The following PRRG2 variants were observed in gnomAD, a reference collection of about 807,000 sequenced individuals.
The protein encoded by PRRG2 is transmembrane gamma-carboxyglutamic acid protein 2.
PRRG2 carries 23 observed loss-of-function variants against 27.1 expected under a neutral mutation model. The ratio of observed to expected loss-of-function variants is 0.85; its 90% confidence interval spans 0.61 to 1.20. The LOEUF is 1.20. Among genes scored for constraint, PRRG2 ranks in the 50% most tolerant of loss-of-function variants. PRRG2 has a pLI of 0.00. For synonymous variants in PRRG2, 104 were observed against 103.4 expected (o/e 1.01, Z -0.03); for missense variants, 276 against 254.8 (o/e 1.08, Z -0.57).
At chr19:49,587,021 G>C (rs1441405867) in intron 4 of PRRG2, among the ~76,000 whole-genome samples, 2 of 152,006 alleles carry the variant, frequency 1.3e-5, no homozygotes, top group Non-Finnish European at 2.9e-5. Context: ...GCCAGGCATG[G>C]TGGCACACAC....
intron 4 of PRRG2, among the ~76,000 whole-genome samples, chr19:49,586,072 C>CAAAAAAAAAAAAAAA (rs1171500009): frequency 1.8e-5 from 1 of 56,918 alleles, no homozygotes; most frequent in Admixed American, 2.2e-4. Context: ...AGAGTGTCTC[C>CAAAAAAAAAAAAAAA]AAAAAAAAAA....
intron 5 of PRRG2, among the ~76,000 whole-genome samples, chr19:49,589,367 C>T (rs1025539201): frequency 6.6e-6 from 1 of 151,112 alleles, no homozygotes; most frequent in Non-Finnish European, 1.5e-5. Flanking sequence ...CTCAGGTGAT[C>T]TGCCCGCCTT....
intron 4 of PRRG2, 30 bp downstream of exon 4, chr19:49,583,982 T>A (rs1180338143): frequency 1.2e-6 from 2 of 1,603,756 alleles, no homozygotes; most frequent in South Asian, 2.2e-5. Flanking sequence ...CATCTTGTTC[T>A]GTGCAGCTAA....
chr19:49,586,379 G>A (rs2122244571), intron 4 of PRRG2, among the ~76,000 whole-genome samples: 1 of 123,744 alleles, frequency 8.1e-6, no homozygotes, highest in South Asian at 2.7e-4. Context: ...GAGCCACCAA[G>A]CCCGGCCATT....
chr19:49,590,130 G>A, intron 6 of PRRG2, 78 bp downstream of exon 6: 1 of 1,417,406 alleles, frequency 7.1e-7, no homozygotes, highest in Non-Finnish European at 9.3e-7. Context: ...GCTCAGGGGC[G>A]GGACTTGGAA....
In PRRG2 at chr19:49,583,913, G is replaced by A; in HGVS notation, c.262G>A (p.Glu88Lys). The A allele has an allele frequency of 2.5e-6, 4 of 1,613,902 alleles. No homozygotes were observed. The highest frequency in any genetic ancestry group is 2.2e-5 in the East Asian group (1 of 44,872). Residue 88 changes from glutamate (E) to lysine (K), a missense_variant and splice_region_variant, in exon 4 of 7, where the codon GAG becomes AAG. Glu to Lys is a moderately conservative substitution (Grantham distance 56). Coordinates refer to ENST00000246794, the MANE Select transcript of PRRG2 (RefSeq NM_000951.3). ...TCTTTTCCACTCCTTCCCCCTCAAG[G>A]AGCGCTTTTGGGAGAGCTACATCTA... ...REYFEDNTLT[E>K]RFWESYIYNG...
In PRRG2 at chr19:49,590,776, A is replaced by C; in HGVS notation, c.*387A>C. 1 of 285,848 alleles carries C rather than the reference A, an allele frequency of 3.5e-6. No individual in the cohort carries two copies. Among genetic ancestry groups the C allele is most frequent in the Non-Finnish European group, 6.8e-6 (1 of 147,728 alleles). The allele number at this position is 285,848 out of a possible 1,614,324, so 17.7% of individuals were successfully genotyped here. On this transcript the variant is annotated 3_prime_UTR_variant, in exon 7 of 7. Coordinates refer to ENST00000246794, the MANE Select transcript of PRRG2 (RefSeq NM_000951.3). ...AGTGCCACAGGGTACGCACACGCAG[A>C]GCCCCGCCTGTGCACACGCGTGTCT...
chr19:49,590,783 C>G lies in PRRG2; in HGVS notation c.*394C>G. 1 of 285,990 alleles carries G rather than the reference C, an allele frequency of 3.5e-6. No homozygotes were observed. The allele number at this position is 285,990 out of a possible 1,614,324, so 17.7% of individuals were successfully genotyped here. The stretch of plus-strand genomic sequence containing the variant: ...CAGGGTACGCACACGCAGAGCCCCG[C>G]CTGTGCACACGCGTGTCTTCGTGCA... On this transcript the variant is annotated 3_prime_UTR_variant, in exon 7 of 7. Coordinates refer to ENST00000246794, the MANE Select transcript of PRRG2 (RefSeq NM_000951.3).
At chr19:49,584,500 G>A (rs1221598137) in intron 4 of PRRG2, among the ~76,000 whole-genome samples, 3 of 152,174 alleles carry the variant, frequency 2.0e-5, no homozygotes, top group East Asian at 3.9e-4. Context: ...ACAGGGTCTC[G>A]CTGTGTCACC....
At chr19:49,583,861 C>T in intron 3 of PRRG2, 52 bp from the exon 4 acceptor site, 1 of 1,607,964 alleles carries the variant, frequency 6.2e-7, no homozygotes, top group Non-Finnish European at 8.5e-7. Context: ...GTGTGAACCT[C>T]CCAGCTGAAT....
At chr19:49,590,283 AC>A in intron 6 of PRRG2, 87 bp from the exon 7 acceptor site, 2 of 1,591,396 alleles carry the variant, frequency 1.3e-6, no homozygotes, top group Non-Finnish European at 1.7e-6. Context: ...ATTGGCTGAG[AC>A]GCCAAGGGCG....
intron 4 of PRRG2, among the ~76,000 whole-genome samples, chr19:49,587,464 C>A (rs1021986064): frequency 2.0e-5 from 3 of 150,024 alleles, no homozygotes; most frequent in African/African-American, 7.4e-5. Flanking sequence ...AGGCAAGAAC[C>A]ACCAAGCCTG....
At chr19:49,586,807 C>T (rs1037366764) in intron 4 of PRRG2, among the ~76,000 whole-genome samples, 7 of 152,036 alleles carry the variant, frequency 4.6e-5, no homozygotes, top group Non-Finnish European at 5.9e-5. Flanking sequence ...GCCGAGATTG[C>T]GCCACTGCAC....
intron 4 of PRRG2, among the ~76,000 whole-genome samples, chr19:49,587,641 G>A (rs961459447): frequency 2.3e-4 from 35 of 150,762 alleles, no homozygotes; most frequent in African/African-American, 7.1e-4. Flanking sequence ...ATGCGCCACC[G>A]TGCCTGGATA....
rs764453312 is a variant in PRRG2 at position 49,583,574 on chromosome 19, T to C, written c.118T>C (p.Phe40Leu). The C allele has an allele frequency of 3.7e-6, 6 of 1,614,170 alleles. No homozygotes were observed. The South Asian group carries it at 5.5e-5, about 15-fold the overall frequency. The part of the protein sequence containing the change: ...VFLGPPEAQS[F>L]LSSHTRIPRA... ...CCTGGGTCCCCCAGAGGCCCAGAGC[T>C]TCCTGAGTAGCCATACCCGGATTCC... The change falls in exon 3 of 7, where the codon TTC becomes CTC. Residue 40 changes from phenylalanine (F) to leucine (L), a missense_variant. Phe to Leu is a conservative substitution (Grantham distance 22). Transcript: ENST00000246794.
rs764103609 is a variant in PRRG2 at position 49,588,649 on chromosome 19, G to C, written c.437+17G>C. ...TCCCCAAGAGTAAGGGGGCTTCAGCGAGGAGGGGGTGGTGGTGGAGAGCAG... is the reference window on the plus strand; with the variant it reads ...TCCCCAAGAGTAAGGGGGCTTCAGCCAGGAGGGGGTGGTGGTGGAGAGCAG... On this transcript the variant is annotated intron_variant, in intron 5 of 6. Transcript: ENST00000246794. 2.0e-6 allele frequency: 3 copies of C among 1,520,212 alleles called. No homozygotes were observed. The highest frequency in any genetic ancestry group is 2.6e-6 in the Non-Finnish European group (3 of 1,140,228). The allele number at this position is 1,520,212 out of a possible 1,614,324, so 94.2% of individuals were successfully genotyped here.
At chr19:49,589,876 T>C (rs2080701843) in intron 5 of PRRG2, 24 bp from the exon 6 acceptor site, 1 of 1,612,934 alleles carries the variant, frequency 6.2e-7, no homozygotes, top group African/African-American at 1.3e-5. Context: ...TTGCCTCTGC[T>C]AACTGTACCT....
intron 1 of PRRG2, among the ~76,000 whole-genome samples, chr19:49,582,875 AAAG>A (rs1010081109): frequency 3.9e-5 from 6 of 151,972 alleles, no homozygotes; most frequent in Admixed American, 3.3e-4. Flanking sequence ...CTCAAAAAAA[AAAG>A]AAAATTAGCG....
Position 49,590,175 on chromosome 19 carries a change from G to A in PRRG2, c.590+123G>A, listed in dbSNP as rs887188588. The A allele has an allele frequency of 8.8e-6, 12 of 1,356,358 alleles. No individual in the cohort carries two copies. In the Admixed American group the frequency reaches 2.4e-4, roughly 27 times the overall value. The allele number at this position is 1,356,358 out of a possible 1,614,324, so 84.0% of individuals were successfully genotyped here. ...TCTTACCTGGGGCGGGGCTTGGAGT[G>A]CGGGGGCGGGGCCCCATGCAATGGT... On this transcript the variant is annotated intron_variant, in intron 6 of 6. Coordinates refer to ENST00000246794, the MANE Select transcript of PRRG2 (RefSeq NM_000951.3).
Sources: allele counts gnomAD v4.1 joint callset (sites outside exome capture counted in the v4.1 genomes callset), GRCh38; gene constraint gnomAD v4.1.1; transcripts MANE v1.5; gene names NCBI Gene and HGNC (gene_info 2026-07-23, HGNC 2026-07-21).